Variants in TMPRSS11D observed in about 807,000 individuals in gnomAD.
TMPRSS11D encodes transmembrane protease serine 11D.
TMPRSS11D carries 32 observed loss-of-function variants against 44.4 expected under a neutral mutation model. That is an observed-to-expected ratio of 0.72 (90% CI 0.54 to 0.97). TMPRSS11D has a LOEUF of 0.97. Among genes scored for constraint, TMPRSS11D ranks in the 50% least tolerant of loss-of-function variants. TMPRSS11D has a pLI of 0.00. For missense variants in TMPRSS11D, 446 were observed against 502.6 expected (o/e 0.89, Z 1.08); for synonymous variants, 179 against 177.9 (o/e 1.01, Z -0.05).
intron 4 of TMPRSS11D, among the ~76,000 whole-genome samples, chr4:67,842,009 C>G (rs1718243276): frequency 6.6e-6 from 1 of 152,154 alleles, no homozygotes; most frequent in Non-Finnish European, 1.5e-5. Context: ...CTGGTTTTAT[C>G]ACATCATATT....
chr4:67,864,684 T>C lies in TMPRSS11D; in HGVS notation c.9-5006A>G, dbSNP rs192897778. Among the ~76,000 whole-genome samples, 79 of 152,018 alleles carry C rather than the reference T, an allele frequency of 5.2e-4. No homozygotes were observed. In the South Asian group the frequency reaches 8.5e-3, roughly 16 times the overall value. ...CTAAAGGCAGAGGTATAGAAAAATATATTCCACACAGATGAAAACCAAAAG... is the reference window on the plus strand; with the variant it reads ...CTAAAGGCAGAGGTATAGAAAAATACATTCCACACAGATGAAAACCAAAAG... On this transcript the variant is annotated intron_variant, in intron 1 of 9. Transcript: ENST00000283916.
chr4:67,869,347 TAAAG>T (rs1718997619), intron 1 of TMPRSS11D, among the ~76,000 whole-genome samples: 2 of 152,156 alleles, frequency 1.3e-5, no homozygotes, highest in Middle Eastern at 3.4e-3. Context: ...TTTGATATAA[TAAAG>T]AATTTCCCAT....
intron 1 of TMPRSS11D, among the ~76,000 whole-genome samples, chr4:67,862,082 A>G (rs964989690): frequency 2.0e-5 from 3 of 152,148 alleles, no homozygotes; most frequent in East Asian, 1.9e-4. Flanking sequence ...CAAATATTCT[A>G]TTGTGACCCA....
At chr4:67,838,029 G>A in intron 5 of TMPRSS11D, 143 bp downstream of exon 5, 1 of 579,070 alleles carries the variant, frequency 1.7e-6, no homozygotes, top group Non-Finnish European at 2.8e-6. Context: ...GGAGCTATAT[G>A]GTATATTTAG....
chr4:67,824,139 T>G (rs371213306), intron 9 of TMPRSS11D, among the ~76,000 whole-genome samples: 1 of 3,028 alleles, frequency 3.3e-4, no homozygotes, highest in African/African-American at 1.6e-3. Flanking sequence ...AGTGCTGTGT[T>G]TTTTTTTTTT....
intron 3 of TMPRSS11D, among the ~76,000 whole-genome samples, chr4:67,844,380 C>A (rs973729595): frequency 1.3e-5 from 2 of 152,006 alleles, no homozygotes; most frequent in Non-Finnish European, 2.9e-5. Context: ...TCCAGAGAAC[C>A]TTTGAACAAT....
chr4:67,841,058 G>A (rs866687883), intron 4 of TMPRSS11D, among the ~76,000 whole-genome samples: 2 of 152,092 alleles, frequency 1.3e-5, no homozygotes, highest in Non-Finnish European at 2.9e-5. Context: ...GTAAAGCAAT[G>A]CTAAAAAAGA....
chr4:67,859,524 A>G, intron 2 of TMPRSS11D, 33 bp downstream of exon 2: 1 of 1,601,134 alleles, frequency 6.2e-7, no homozygotes, highest in Non-Finnish European at 8.5e-7. Context: ...TGTAGCTATT[A>G]AATCTGAAGA....
chr4:67,864,384 GA>G (rs940128673), intron 1 of TMPRSS11D, among the ~76,000 whole-genome samples: 44 of 151,984 alleles, frequency 2.9e-4, no homozygotes, highest in African/African-American at 9.9e-4. Context: ...GGCTCTGCAA[GA>G]AATGCTCAAA....
At chr4:67,882,190 C>G (rs1271824249) in intron 1 of TMPRSS11D, among the ~76,000 whole-genome samples, 1 of 152,054 alleles carries the variant, frequency 6.6e-6, no homozygotes, top group Non-Finnish European at 1.5e-5. Flanking sequence ...ATCAAACCAT[C>G]CAAGGCAGCC....
chr4:67,842,983 A>G (rs544796993), intron 3 of TMPRSS11D, among the ~76,000 whole-genome samples: 5 of 152,296 alleles, frequency 3.3e-5, no homozygotes, highest in African/African-American at 1.2e-4. Flanking sequence ...AAGTCCACTG[A>G]CACAACTCAA....
intron 1 of TMPRSS11D, among the ~76,000 whole-genome samples, chr4:67,867,112 T>G (rs1294035123): frequency 6.6e-6 from 1 of 152,020 alleles, no homozygotes; most frequent in East Asian, 1.9e-4. Flanking sequence ...CAAAACAGCA[T>G]CATACTGGCA....
chr4:67,883,381 A>T (rs559234336), intron 1 of TMPRSS11D, among the ~76,000 whole-genome samples: 1 of 152,076 alleles, frequency 6.6e-6, no homozygotes, highest in Non-Finnish European at 1.5e-5. Flanking sequence ...CTAAAAAGAA[A>T]ACCAGAGAGA....
At chr4:67,835,381 T>C (rs1292133340) in intron 5 of TMPRSS11D, among the ~76,000 whole-genome samples, 1 of 152,166 alleles carries the variant, frequency 6.6e-6, no homozygotes, top group Non-Finnish European at 1.5e-5. Flanking sequence ...CTTTAATTTC[T>C]CATTAAATAC....
intron 3 of TMPRSS11D, among the ~76,000 whole-genome samples, chr4:67,846,105 G>A (rs562599287): frequency 1.1e-4 from 17 of 152,046 alleles, no homozygotes; most frequent in African/African-American, 1.9e-4. Context: ...TTTCTCTTTC[G>A]TTTCACCAGA....
chr4:67,836,427 G>A (rs1022282761), intron 5 of TMPRSS11D, among the ~76,000 whole-genome samples: 4 of 152,020 alleles, frequency 2.6e-5, no homozygotes, highest in Admixed American at 6.6e-5. Flanking sequence ...CTCTCAAACC[G>A]ACTTATGCAA....
chr4:67,871,393 C>T (rs1034271533), intron 1 of TMPRSS11D, among the ~76,000 whole-genome samples: 1 of 152,184 alleles, frequency 6.6e-6, no homozygotes, highest in Non-Finnish European at 1.5e-5. Context: ...TGTATTGTCA[C>T]TCTCATACCT....
intron 1 of TMPRSS11D, among the ~76,000 whole-genome samples, chr4:67,863,328 C>CAAAAAAAAAAAA (rs561420216): frequency 1.1e-5 from 1 of 89,196 alleles, no homozygotes; most frequent in African/African-American, 3.3e-5. Flanking sequence ...TGGTCTTGCT[C>CAAAAAAAAAAAA]AAAAAAAAAA....
At chr4:67,875,291 A>T (rs1359660629) in intron 1 of TMPRSS11D, among the ~76,000 whole-genome samples, 1 of 152,220 alleles carries the variant, frequency 6.6e-6, no homozygotes, top group Non-Finnish European at 1.5e-5. Flanking sequence ...AGCTGTTGTA[A>T]TCAGAAAAAG....
Sources: gnomAD v4.1 joint callset for allele counts (sites outside exome capture counted in the v4.1 genomes callset) on GRCh38, gnomAD v4.1.1 for gene constraint, MANE v1.5 for transcripts, NCBI Gene and HGNC (gene_info 2026-07-23, HGNC 2026-07-21) for gene names.